ZNF577: variants seen among roughly 807,000 people sequenced by gnomAD.
ZNF577 encodes the protein zinc finger protein 577.
ZNF577 carries 14 observed loss-of-function variants against 13.9 expected under a neutral mutation model. The observed-to-expected ratio is 1.00, with a 90% confidence interval of 0.66 to 1.57. The LOEUF (loss-of-function observed/expected upper bound fraction) is 1.57, where lower values mean the gene tolerates loss of function less well. Ranked by LOEUF, ZNF577 falls within the 40% of genes most tolerant of loss-of-function variation. The pLI, the probability that ZNF577 is intolerant of heterozygous loss-of-function variation, is 0.00. For synonymous variants in ZNF577, 203 were observed against 202.9 expected, an observed-to-expected ratio of 1.00 and a Z score of 0.00; for missense variants, 555 against 579.2, an observed-to-expected ratio of 0.96 and a Z score of 0.43.
At chr19:51,814,378 C>T (rs1267997771) in intron 9 of ZNF577, among the ~76,000 whole-genome samples, 1 of 152,234 alleles carries the variant, frequency 6.6e-6, no homozygotes, top group African/African-American at 2.4e-5. Context: ...TTGCAGGTCC[C>T]ACAAATTATC....
Position 51,873,379 on chromosome 19 carries a change from T to C in ZNF577, c.611A>G (p.His204Arg), listed in dbSNP as rs1296815141. 6 of 1,614,130 alleles carry C rather than the reference T, an allele frequency of 3.7e-6. No individual in the cohort carries two copies. Among genetic ancestry groups the C allele is most frequent in the Non-Finnish European group, 5.1e-6 (6 of 1,180,054 alleles). Residue 204 changes from histidine to arginine, a missense_variant, in exon 6 of 6, where the codon CAT (histidine) becomes CGT (arginine). Physicochemically the swap from His to Arg is conservative, Grantham distance 29. Transcript: ENST00000638348. ...CTTCTCTCCTGTGTGAGTTCTCTGA[T>C]GCTCAGTGAGCTGAATCTTCCTCAT... ...TFMRKIQLTE[H>R]QRTHTGEKPH...
downstream of ZNF577, among the ~76,000 whole-genome samples, chr19:51,863,714 T>C (rs1234842719): frequency 6.6e-6 from 1 of 151,978 alleles, no homozygotes; most frequent in Non-Finnish European, 1.5e-5. Flanking sequence ...AAGGAGAAAA[T>C]AAAAATAAAG....
rs139346960 is a variant in ZNF577 at position 51,849,216 on chromosome 19, G to A, written c.284-4285C>T. 4.9e-4 allele frequency among the ~76,000 whole-genome samples: 75 copies of A among 152,272 alleles called. No homozygotes were observed. The East Asian group carries it at 0.013, about 27-fold the overall frequency. The stretch of plus-strand genomic sequence containing the variant: ...GGGTAAGTTTAACAAAATAGGTTGC[G>A]CATACAAAACAGGTTGTGCATGGAT... On this transcript the variant is annotated intron_variant and NMD_transcript_variant, in intron 5 of 10. Transcript: ENST00000638827.
At chr19:51,825,148 C>T (rs774034054) in intron 9 of ZNF577, 25 of 245,348 alleles carry the variant, frequency 1.0e-4, no homozygotes, top group Non-Finnish European at 1.8e-4. Flanking sequence ...AGGGTTCCCA[C>T]TACCCCCTCT....
At chr19:51,880,276 C>T (rs1314397264) in intron 3 of ZNF577, 47 bp downstream of exon 3, 2 of 1,592,356 alleles carry the variant, frequency 1.3e-6, no homozygotes, top group Non-Finnish European at 1.7e-6. Context: ...CAAAAGCTCT[C>T]TGAAGGAAAG....
chr19:51,884,419 T>C (rs2084910996), intron 1 of ZNF577, among the ~76,000 whole-genome samples: 1 of 152,130 alleles, frequency 6.6e-6, no homozygotes, highest in African/African-American at 2.4e-5. Context: ...ATGACTGATA[T>C]GACAGATGAA....
chr19:51,874,710 C>T (rs931212763), intron 5 of ZNF577, among the ~76,000 whole-genome samples: 1 of 152,098 alleles, frequency 6.6e-6, no homozygotes, highest in Non-Finnish European at 1.5e-5. Context: ...CAAAACATGA[C>T]TGTCCTATGG....
At chr19:51,876,926 CAAAA>C (rs536127907) in intron 5 of ZNF577, among the ~76,000 whole-genome samples, 3 of 60,840 alleles carry the variant, frequency 4.9e-5, no homozygotes, top group Non-Finnish European at 7.4e-5. Context: ...GACTCCGTCT[CAAAA>C]AAAAAAAAAA....
chr19:51,833,232 T>TG (rs2084269428), intron 9 of ZNF577, among the ~76,000 whole-genome samples: 1 of 152,158 alleles, frequency 6.6e-6, no homozygotes, highest in South Asian at 2.1e-4. Context: ...TCCTACTCTG[T>TG]GGCCTGGGAA....
In ZNF577 at chr19:51,867,618, CAAAA is replaced by C. The variant is rs561862562; in HGVS notation, c.*4910_*4913del. Among the ~76,000 whole-genome samples the C allele has an allele frequency of 9.1e-6, 1 of 110,322 alleles. No individual in the cohort carries two copies. Among genetic ancestry groups the C allele is most frequent in the Non-Finnish European group, 1.9e-5 (1 of 52,012 alleles). 72.4% of individuals were successfully genotyped at this position (110,322 alleles called of 152,430 possible). On this transcript the variant is annotated 3_prime_UTR_variant, in exon 6 of 6. Coordinates refer to ENST00000638348, the MANE Select transcript of ZNF577 (RefSeq NM_001370449.1). Reference sequence around the variant, plus strand: ...TGAAACCCCGTCTCTACTAAAAATACAAAAAAAAAAAAAAAAATTAGCCGGGTGT... The same window carrying C: ...TGAAACCCCGTCTCTACTAAAAATACAAAAAAAAAAAAATTAGCCGGGTGT...
chr19:51,876,370 C>T (rs3848561), intron 5 of ZNF577, among the ~76,000 whole-genome samples: 48,871 of 151,560 alleles, frequency 0.32, 9,144 homozygotes, highest in African/African-American at 0.51. Flanking sequence ...AGCAGACATG[C>T]TACTTTGCGA....
intron 5 of ZNF577, among the ~76,000 whole-genome samples, chr19:51,848,241 G>A (rs775631387): frequency 2.6e-5 from 4 of 152,136 alleles, no homozygotes; most frequent in African/African-American, 7.2e-5. Flanking sequence ...AGAACACACC[G>A]AAACAGAAAA....
chr19:51,851,341 A>G (rs2122564212), intron 5 of ZNF577, among the ~76,000 whole-genome samples: 1 of 152,344 alleles, frequency 6.6e-6, no homozygotes, highest in South Asian at 2.1e-4. Context: ...GCCAATGAGT[A>G]GCAGAAATAG....
intron 9 of ZNF577, among the ~76,000 whole-genome samples, chr19:51,811,901 T>A (rs2084099632): frequency 6.6e-6 from 1 of 152,180 alleles, no homozygotes; most frequent in Admixed American, 6.5e-5. Flanking sequence ...AGTGGAATGA[T>A]GAGTTGGTCA....
At chr19:51,856,418 T>C (rs780389813) in intron 5 of ZNF577, among the ~76,000 whole-genome samples, 5 of 152,210 alleles carry the variant, frequency 3.3e-5, no homozygotes, top group African/African-American at 9.7e-5. Context: ...CTCACCTCCA[T>C]GCTTCCATCA....
chr19:51,875,450 C>T (rs1200611387), intron 5 of ZNF577, among the ~76,000 whole-genome samples: 1 of 151,582 alleles, frequency 6.6e-6, no homozygotes, highest in African/African-American at 2.4e-5. Context: ...CAAGAGCCGA[C>T]AGCGAAAGAG....
At chr19:51,843,988 A>T (rs572380560) in intron 6 of ZNF577, among the ~76,000 whole-genome samples, 1 of 152,290 alleles carries the variant, frequency 6.6e-6, no homozygotes, top group South Asian at 2.1e-4. Context: ...CCATTTGAAA[A>T]GCAGGAACAT....
chr19:51,867,571 G>C lies in ZNF577; in HGVS notation c.*4961C>G, dbSNP rs976276979. 6.7e-6 allele frequency among the ~76,000 whole-genome samples: 1 copy of C among 149,144 alleles called. No homozygotes were observed. Among genetic ancestry groups the C allele is most frequent in the African/African-American group, 2.5e-5 (1 of 40,396 alleles). On this transcript the variant is annotated 3_prime_UTR_variant, in exon 6 of 6. Transcript: ENST00000638348. ...GGGCGGATCACAAGGTCAGGAGTTC[G>C]AGACCAGACTGGCCAACATGATGAA...
chr19:51,856,894 G>A lies in ZNF577; in HGVS notation c.284-11963C>T, dbSNP rs138076930. 7.2e-3 allele frequency among the ~76,000 whole-genome samples: 1,098 copies of A among 151,856 alleles called. 7 individuals are homozygous for A. Among genetic ancestry groups the A allele is most frequent in the Non-Finnish European group, 0.01 (694 of 67,994 alleles). On this transcript the variant is annotated intron_variant and NMD_transcript_variant, in intron 5 of 10. Transcript: ENST00000638827. Reference sequence around the variant, plus strand: ...GAAATGAAAGTACTTCCTAGAAGCAGCATGATTTGAATGGCTTTTGCCTCA... The same window carrying A: ...GAAATGAAAGTACTTCCTAGAAGCAACATGATTTGAATGGCTTTTGCCTCA...
Sources: gnomAD v4.1 joint callset for allele counts (sites outside exome capture counted in the v4.1 genomes callset) on GRCh38, gnomAD v4.1.1 for gene constraint, MANE v1.5 for transcripts, NCBI Gene and HGNC (gene_info 2026-07-23, HGNC 2026-07-21) for gene names.